Variants in TAPT1 observed in about 807,000 individuals in gnomAD.
TAPT1 encodes transmembrane anterior posterior transformation protein 1 homolog.
In TAPT1, 28 loss-of-function variants were observed where a neutral mutation model predicts 65.6. The ratio of observed to expected loss-of-function variants is 0.43; its 90% confidence interval spans 0.32 to 0.59. TAPT1 has a LOEUF of 0.59. TAPT1 is among the 20% of genes least tolerant of loss of function. TAPT1 has a pLI of 0.09. For missense variants in TAPT1, 563 were observed against 679.9 expected, an observed-to-expected ratio of 0.83 and a Z score of 1.91; for synonymous variants, 278 against 245.2, an observed-to-expected ratio of 1.13 and a Z score of -1.25.
rs71649940 is a variant in TAPT1 at position 16,194,859 on chromosome 4, G to GTCTTCTTCTTCT, written c.450-3348_450-3337dup. Reference sequence around the variant, plus strand: ...TTAAAAAACAAGGGTCTTGATTTCTGTCTTCTTCTTCTTCTTCTTCTTCTT... The same window carrying GTCTTCTTCTTCT: ...TTAAAAAACAAGGGTCTTGATTTCTGTCTTCTTCTTCTTCTTCTTCTTCTTCTTCTTCTTCTT... On this transcript the variant is annotated intron_variant, in intron 3 of 13. Coordinates refer to ENST00000405303, the MANE Select transcript of TAPT1 (RefSeq NM_153365.3). 4.2e-3 allele frequency among the ~76,000 whole-genome samples: 612 copies of GTCTTCTTCTTCT among 146,992 alleles called. 24 individuals carry two copies. The highest frequency in any genetic ancestry group is 0.015 in the African/African-American group (566 of 37,434).
chr4:16,174,662 A>T lies in TAPT1; in HGVS notation c.1167+8T>A. On this transcript the variant is annotated splice_region_variant and intron_variant, in intron 10 of 13. Coordinates refer to ENST00000405303, the MANE Select transcript of TAPT1 (RefSeq NM_153365.3). Reference sequence around the variant, plus strand: ...TAATTTCAGACTACGCCCTTGATAAATGCTCACATTTTTCTGTCGGCTGCT... The same window carrying T: ...TAATTTCAGACTACGCCCTTGATAATTGCTCACATTTTTCTGTCGGCTGCT... 1 of 1,586,722 alleles carries T rather than the reference A, an allele frequency of 6.3e-7. No homozygotes were observed. The highest frequency in any genetic ancestry group is 8.6e-7 in the Non-Finnish European group (1 of 1,165,416).
chr4:16,191,128 C>G, intron 4 of TAPT1: 1 of 407,230 alleles, frequency 2.5e-6, no homozygotes, highest in Admixed American at 3.9e-5. Context: ...GTGTCCCAGA[C>G]CAGCAGCATG....
intron 1 of TAPT1, among the ~76,000 whole-genome samples, chr4:16,217,666 T>C (rs1024818404): frequency 6.6e-6 from 1 of 152,240 alleles, no homozygotes; most frequent in African/African-American, 2.4e-5. Flanking sequence ...AGTAATGGAA[T>C]TGCTTAATAA....
intron 1 of TAPT1, among the ~76,000 whole-genome samples, chr4:16,214,976 G>A (rs183071594): frequency 6.6e-6 from 1 of 152,254 alleles, no homozygotes; most frequent in Non-Finnish European, 1.5e-5. Flanking sequence ...GCCTACATGT[G>A]AGGGGGGAAG....
At chr4:16,185,393 C>T (rs113195683) in intron 7 of TAPT1, among the ~76,000 whole-genome samples, 26,023 of 148,570 alleles carry the variant, frequency 0.18, 2,652 homozygotes, top group East Asian at 0.3. Flanking sequence ...TTTGAGACAG[C>T]GTTTCACTCT....
intron 4 of TAPT1, chr4:16,190,839 A>C (rs1200120157): frequency 6.5e-6 from 1 of 154,916 alleles, no homozygotes; most frequent in African/African-American, 2.4e-5. Flanking sequence ...ATTACTTACA[A>C]AAATTGGGAA....
At chr4:16,166,184 C>G (rs748131632) in intron 13 of TAPT1, among the ~76,000 whole-genome samples, 15 of 152,214 alleles carry the variant, frequency 9.9e-5, no homozygotes, top group Non-Finnish European at 2.1e-4. Flanking sequence ...GATGTGCTGT[C>G]TCGGGCTCCA....
At position 16,191,458 on chromosome 4, in the gene TAPT1, C is replaced by A; in HGVS notation, c.515G>T (p.Cys172Phe). 6.4e-7 allele frequency: 1 copy of A among 1,574,722 alleles called. No individual in the cohort carries two copies. The highest frequency in any genetic ancestry group is 8.6e-7 in the Non-Finnish European group (1 of 1,159,450). The change falls in exon 4 of 14, where the codon TGC becomes TTC. Residue 172 changes from cysteine to phenylalanine, a missense_variant. This residue lies in a region of TAPT1 where 217 missense variants were observed against 317.5 expected (regional missense o/e 0.68). Coordinates refer to ENST00000405303, the MANE Select transcript of TAPT1 (RefSeq NM_153365.3). ...GTCAACATAGTGCATCATAAAATAGCAGATTACCAAAATGACACCCTTCAA... is the reference window on the plus strand; with the variant it reads ...GTCAACATAGTGCATCATAAAATAGAAGATTACCAAAATGACACCCTTCAA... ...DILKGVILVICYFMMHYVDYS... is the reference protein window; with the variant it reads ...DILKGVILVIFYFMMHYVDYS...
At chr4:16,163,947 T>C (rs1747417876) in intron 13 of TAPT1, among the ~76,000 whole-genome samples, 1 of 152,164 alleles carries the variant, frequency 6.6e-6, no homozygotes, top group Non-Finnish European at 1.5e-5. Context: ...CTGTCATCTG[T>C]AGTCACTTCA....
At chr4:16,218,486 TGA>T (rs1218674987) in intron 1 of TAPT1, among the ~76,000 whole-genome samples, 1 of 152,190 alleles carries the variant, frequency 6.6e-6, no homozygotes, top group African/African-American at 2.4e-5. Flanking sequence ...TTGACCATAA[TGA>T]GAGTTGTGTT....
chr4:16,205,915 G>C (rs761149966), intron 2 of TAPT1, among the ~76,000 whole-genome samples: 4 of 152,110 alleles, frequency 2.6e-5, no homozygotes, highest in Non-Finnish European at 5.9e-5. Flanking sequence ...ATTTTAAAGA[G>C]GTACCTGAAG....
chr4:16,176,135 T>C lies in TAPT1; in HGVS notation c.1091A>G (p.Asn364Ser), dbSNP rs1182741102. The change falls in exon 9 of 14, where the codon AAT (asparagine) becomes AGT (serine). Residue 364 changes from asparagine (N) to serine (S), a missense_variant. Physicochemically the swap from Asn to Ser is conservative, Grantham distance 46. Coordinates refer to ENST00000405303, the MANE Select transcript of TAPT1 (RefSeq NM_153365.3). ...AATACATACATCTGCAGTAATGTCA[T>C]TGAATTTAGTAATAAAGGCATGTTT... Reference protein sequence around the residue: ...IVKHAFITKFNDITADVYSEY... With the variant: ...IVKHAFITKFSDITADVYSEY... 8 of 1,536,356 alleles carry C rather than the reference T, an allele frequency of 5.2e-6. No individual in the cohort carries two copies. The highest frequency in any genetic ancestry group is 1.4e-5 in the African/African-American group (1 of 72,934).
At chr4:16,178,585 T>A (rs563416316) in intron 8 of TAPT1, among the ~76,000 whole-genome samples, 3 of 152,314 alleles carry the variant, frequency 2.0e-5, no homozygotes, top group East Asian at 3.9e-4. Context: ...GCATTATAAT[T>A]ACCCACTTCC....
intron 2 of TAPT1, among the ~76,000 whole-genome samples, chr4:16,205,063 C>G (rs532218750): frequency 1.3e-5 from 2 of 152,246 alleles, no homozygotes; most frequent in East Asian, 3.9e-4. Context: ...AAAATACCTG[C>G]CTCAAGAGAA....
intron 8 of TAPT1, chr4:16,179,161 T>C (rs114593464): frequency 1.8e-3 from 270 of 154,178 alleles, no homozygotes; most frequent in African/African-American, 6.1e-3. Context: ...GTTAACATCA[T>C]AGAGGGTACT....
chr4:16,211,762 T>C (rs1351638926), intron 2 of TAPT1, among the ~76,000 whole-genome samples: 2 of 152,206 alleles, frequency 1.3e-5, no homozygotes, highest in African/African-American at 4.8e-5. Context: ...TGTTCTCTAA[T>C]ACTTCTTCTA....
At chr4:16,209,480 GAATTTA>G (rs1025565411) in intron 2 of TAPT1, among the ~76,000 whole-genome samples, 2 of 152,132 alleles carry the variant, frequency 1.3e-5, no homozygotes, top group African/African-American at 4.8e-5. Context: ...TTCTAAATTT[GAATTTA>G]AACATAACAG....
rs1478816979 is a variant in TAPT1, at chr4:16,162,902, A to G, written c.*406T>C. 1 of 421,492 alleles carries G rather than the reference A, an allele frequency of 2.4e-6. No homozygotes were observed. Among genetic ancestry groups the G allele is most frequent in the Non-Finnish European group, 4.9e-6 (1 of 202,328 alleles). The allele number at this position is 421,492 out of a possible 1,614,324, so 26.1% of individuals were successfully genotyped here. A position where few individuals can be genotyped will look rare whatever the true frequency, so the allele number is the denominator to read the frequency against. ...GTTTGTGAAAATAGTATGAGACTGG[A>G]AAGATTACGTCGTGGTAAAAGTTTC... is the stretch of plus-strand genomic sequence containing the variant. On this transcript the variant is annotated 3_prime_UTR_variant, in exon 14 of 14. Coordinates refer to ENST00000405303, the MANE Select transcript of TAPT1 (RefSeq NM_153365.3).
Position 16,174,269 on chromosome 4 carries a change from A to G in TAPT1, c.1171T>C (p.Tyr391His). 3 of 1,603,772 alleles carry G rather than the reference A, an allele frequency of 1.9e-6. No homozygotes were observed. The highest frequency in any genetic ancestry group is 2.6e-6 in the Non-Finnish European group (3 of 1,175,176). ...GCTACAGAGTCACTGTAATCAGTGT[A>G]TGCCTGAACAGAGAAAGAAGCAAAA... ...DLVSSRQKNA[Y>H]TDYSDSVARR... Residue 391 changes from tyrosine (Y) to histidine (H), a missense_variant, in exon 11 of 14, where the codon TAC becomes CAC. By Grantham distance (83) the Tyr-to-His change is moderately conservative. Around this residue, in one of 5 missense-constraint regions of TAPT1, gnomAD observed 104 missense variants for 102.5 expected, o/e 1.01. Transcript: ENST00000405303.
Sources: gnomAD v4.1 joint callset for allele counts (sites outside exome capture counted in the v4.1 genomes callset) on GRCh38, gnomAD v4.1.1 for gene constraint, gnomAD v4.1.1 regional missense constraint, MANE v1.5 for transcripts, NCBI Gene and HGNC (gene_info 2026-07-23, HGNC 2026-07-21) for gene names.